The following PCDHA13 variants were observed in gnomAD, a reference collection of about 807,000 sequenced individuals.
The protein encoded by PCDHA13 is protocadherin alpha-13.
PCDHA13 carries 54 observed loss-of-function variants against 64.8 expected under a neutral mutation model. The observed-to-expected ratio is 0.83, with a 90% CI of 0.67 to 1.04. The LOEUF (loss-of-function observed/expected upper bound fraction) is 1.04. Ranked by LOEUF, PCDHA13 falls within the 50% of genes least tolerant of loss-of-function variation. PCDHA13 has a pLI of 0.00. For missense variants in PCDHA13, 1,248 were observed against 1,254.3 expected, an observed-to-expected ratio of 0.99 and a Z score of 0.08; for synonymous variants, 587 against 564.4, an observed-to-expected ratio of 1.04 and a Z score of -0.57.
chr5:141,003,714 C>T (rs781976885), intron 3 of PCDHA13, among the ~76,000 whole-genome samples: 17 of 152,266 alleles, frequency 1.1e-4, no homozygotes, highest in South Asian at 2.1e-4. Flanking sequence ...GTGAAGATAT[C>T]GGCTAATCCA....
At chr5:140,916,367 C>T (rs1400347792) in intron 1 of PCDHA13, among the ~76,000 whole-genome samples, 2 of 152,196 alleles carry the variant, frequency 1.3e-5, no homozygotes, top group Non-Finnish European at 1.5e-5. Context: ...GAGTCTTTCA[C>T]TGTAGCCACC....
At chr5:140,891,246 A>AT (rs1213637493) in intron 1 of PCDHA13, among the ~76,000 whole-genome samples, 11 of 151,766 alleles carry the variant, frequency 7.2e-5, no homozygotes, top group South Asian at 2.1e-4. Context: ...ATTCAGTAGG[A>AT]TTTTTTTTAA....
chr5:140,984,882 A>G (rs1456658089), intron 3 of PCDHA13, among the ~76,000 whole-genome samples: 3 of 152,150 alleles, frequency 2.0e-5, no homozygotes, highest in African/African-American at 7.2e-5. Context: ...AGTTACCATG[A>G]GAACTAAAGG....
At chr5:140,991,409 T>C (rs1554252146) in intron 3 of PCDHA13, among the ~76,000 whole-genome samples, 2 of 152,232 alleles carry the variant, frequency 1.3e-5, no homozygotes, top group Non-Finnish European at 1.5e-5. Flanking sequence ...TTTCCCATTA[T>C]GCTATAACAA....
chr5:140,976,781 T>C (rs1238344428), intron 1 of PCDHA13, among the ~76,000 whole-genome samples: 26 of 152,206 alleles, frequency 1.7e-4, no homozygotes, highest in Admixed American at 1.6e-3. Flanking sequence ...TCTGACTATA[T>C]AGCTACGCTT....
intron 3 of PCDHA13, among the ~76,000 whole-genome samples, chr5:141,006,105 G>GTT (rs79904017): frequency 1.9e-4 from 27 of 143,364 alleles, no homozygotes; most frequent in Middle Eastern, 3.8e-3. Flanking sequence ...ATGGTAAGGA[G>GTT]TTTTTTTTTT....
intron 3 of PCDHA13, among the ~76,000 whole-genome samples, chr5:140,994,257 G>A (rs1232863771): frequency 6.6e-6 from 1 of 152,122 alleles, no homozygotes; most frequent in East Asian, 1.9e-4. Context: ...AGGTAAATAA[G>A]GTAAGCTAGG....
intron 1 of PCDHA13, among the ~76,000 whole-genome samples, chr5:140,940,086 A>C (rs373629874): frequency 6.6e-6 from 1 of 152,214 alleles, no homozygotes; most frequent in Non-Finnish European, 1.5e-5. Flanking sequence ...TTTCTGCTAA[A>C]TTGAAACTTT....
Position 140,883,017 on chromosome 5 carries a change from C to G in PCDHA13, c.749C>G (p.Thr250Arg). The change falls in exon 1 of 4, where the codon ACG (threonine) becomes AGG (arginine). Residue 250 changes from threonine (T) to arginine (R), a missense_variant. Transcript: ENST00000289272. ...TTTTACCAATCCGTTTATAAAGTGA[C>G]GGTGTTAGAGAACGCCTTCAATGGA... Reference protein sequence around the residue: ...PEFYQSVYKVTVLENAFNGTL... With the variant: ...PEFYQSVYKVRVLENAFNGTL... 6.2e-7 allele frequency: 1 copy of G among 1,614,054 alleles called. No homozygotes were observed.
chr5:140,925,397 C>T (rs2082477792), intron 1 of PCDHA13, among the ~76,000 whole-genome samples: 1 of 152,048 alleles, frequency 6.6e-6, no homozygotes, highest in African/African-American at 2.4e-5. Flanking sequence ...TTTGGCTCGC[C>T]TCCTTCTTAG....
chr5:140,954,354 C>T lies in PCDHA13; in HGVS notation c.2395-24595C>T, dbSNP rs982671490. ...TTCTGCCTCTAGATCTTTGAGGAAT[C>T]GCCACACAGTCTCCCACAATGAGTG... is the stretch of plus-strand genomic sequence containing the variant. On this transcript the variant is annotated intron_variant, in intron 1 of 3. Transcript: ENST00000289272. Among the ~76,000 whole-genome samples the T allele has an allele frequency of 3.3e-5, 5 of 152,286 alleles. No homozygotes were observed. The East Asian group carries it at 5.8e-4, about 18-fold the overall frequency.
At chr5:140,967,562 C>T in intron 1 of PCDHA13, 1 of 1,614,064 alleles carries the variant, frequency 6.2e-7, no homozygotes, top group Non-Finnish European at 8.5e-7. Context: ...TCGCGTCCAG[C>T]TACGGGAGGA....
chr5:140,963,307 C>G (rs2095756240), intron 1 of PCDHA13, among the ~76,000 whole-genome samples: 1 of 152,062 alleles, frequency 6.6e-6, no homozygotes, highest in African/African-American at 2.4e-5. Context: ...AAATAAGAAG[C>G]TGTTTGTATT....
chr5:140,937,790 T>G (rs2091754196), intron 1 of PCDHA13, among the ~76,000 whole-genome samples: 1 of 151,512 alleles, frequency 6.6e-6, no homozygotes, highest in Non-Finnish European at 1.5e-5. Flanking sequence ...CGGGCGTATG[T>G]AGTCCCAGCT....
At chr5:140,944,077 G>A (rs913476675) in intron 1 of PCDHA13, among the ~76,000 whole-genome samples, 1 of 152,204 alleles carries the variant, frequency 6.6e-6, no homozygotes, top group Non-Finnish European at 1.5e-5. Context: ...TAAAGATAAA[G>A]GAGGCCTGAG....
intron 1 of PCDHA13, chr5:140,966,972 T>A (rs1554229007): frequency 6.2e-7 from 1 of 1,602,946 alleles, no homozygotes; most frequent in Non-Finnish European, 8.5e-7. Flanking sequence ...GGGCTTGAGC[T>A]GCGGCGCTTG....
At chr5:140,968,041 C>T (rs1554230247) in intron 1 of PCDHA13, 1 of 1,614,140 alleles carries the variant, frequency 6.2e-7, no homozygotes, top group Non-Finnish European at 8.5e-7. Context: ...TGGTGAGCGG[C>T]CCACTGGACC....
At chr5:141,001,959 C>T (rs755695273) in intron 3 of PCDHA13, among the ~76,000 whole-genome samples, 8 of 152,098 alleles carry the variant, frequency 5.3e-5, no homozygotes, top group Admixed American at 3.9e-4. Context: ...GAGGGAGAGG[C>T]GGGGTGTCTC....
chr5:141,009,494 A>G (rs1554262180), intron 3 of PCDHA13, 133 bp from the exon 4 acceptor site: 16 of 1,488,800 alleles, frequency 1.1e-5, no homozygotes, highest in Non-Finnish European at 1.4e-5. Flanking sequence ...TTGCCCTCAG[A>G]CTTGAACAAA....
Sources: gnomAD v4.1 joint callset for allele counts (sites outside exome capture counted in the v4.1 genomes callset) on GRCh38, gnomAD v4.1.1 for gene constraint, MANE v1.5 for transcripts, NCBI Gene and HGNC (gene_info 2026-07-23, HGNC 2026-07-21) for gene names.